TSHZ3: variants seen among roughly 807,000 people sequenced by gnomAD.
TSHZ3 encodes teashirt homolog 3.
TSHZ3 carries 10 observed loss-of-function variants against 64.5 expected under a neutral mutation model. That is an observed-to-expected ratio of 0.16 (90% CI 0.10 to 0.26). The LOEUF is 0.26. Ranked by LOEUF, TSHZ3 falls within the 10% of genes least tolerant of loss-of-function variation. The pLI is 1.00. For missense variants in TSHZ3, 1,242 were observed against 1,421.7 expected (o/e 0.87, Z 2.03); for synonymous variants, 608 against 593.1 (o/e 1.03, Z -0.36).
chr19:31,201,128 C>A (rs902800089), intron 5 of TSHZ3, among the ~76,000 whole-genome samples: 1 of 152,066 alleles, frequency 6.6e-6, no homozygotes, highest in African/African-American at 2.4e-5. Flanking sequence ...CTTAGTACAA[C>A]GTTAAAAGTA....
intron 6 of TSHZ3, among the ~76,000 whole-genome samples, chr19:31,155,295 ACC>A (rs1179516013): frequency 6.6e-6 from 1 of 152,076 alleles, no homozygotes; most frequent in African/African-American, 2.4e-5. Context: ...GCCTTAGATA[ACC>A]CCTTCCGACA....
intron 1 of TSHZ3, among the ~76,000 whole-genome samples, chr19:31,244,197 G>A (rs1287887278): frequency 1.3e-5 from 2 of 152,186 alleles, no homozygotes; most frequent in African/African-American, 2.4e-5. Context: ...CTGGTGGGAG[G>A]TGATTGGATC....
At chr19:31,325,665 C>T (rs932122591) in intron 1 of TSHZ3, among the ~76,000 whole-genome samples, 14 of 152,094 alleles carry the variant, frequency 9.2e-5, no homozygotes, top group African/African-American at 3.4e-4. Context: ...CTAGCAATTC[C>T]GCCTGTAGGA....
At chr19:31,338,277 T>C (rs752548839) in intron 1 of TSHZ3, among the ~76,000 whole-genome samples, 3 of 152,150 alleles carry the variant, frequency 2.0e-5, no homozygotes, top group Non-Finnish European at 4.4e-5. Flanking sequence ...TGCACACAGC[T>C]CAAGGGTGCA....
Position 31,269,382 on chromosome 19 carries a change from C to G in TSHZ3, n.64-26507G>C, listed in dbSNP as rs73927329. Among the ~76,000 whole-genome samples the G allele has an allele frequency of 3.3e-5, 5 of 152,216 alleles. No individual in the cohort carries two copies. In the East Asian group the frequency reaches 9.7e-4, roughly 29 times the overall value. On this transcript the variant is annotated intron_variant and non_coding_transcript_variant, in intron 1 of 6. Coordinates refer to the TSHZ3 transcript ENST00000651361. ...GTCACTGAGGCGGAAGTCCGGCGAC[C>G]GTACCTCCATTTTTTTTAAGCTAAG...
chr19:31,300,509 G>A (rs1160818010), intron 1 of TSHZ3, among the ~76,000 whole-genome samples: 10 of 152,164 alleles, frequency 6.6e-5, no homozygotes, highest in Admixed American at 3.3e-4. Flanking sequence ...AACCTAGCTT[G>A]GAAAGTAGCT....
At chr19:31,231,596 A>C (rs1975540897) in intron 3 of TSHZ3, among the ~76,000 whole-genome samples, 1 of 152,198 alleles carries the variant, frequency 6.6e-6, no homozygotes, top group South Asian at 2.1e-4. Flanking sequence ...TGCACTTCTC[A>C]CTATCTGAGT....
downstream of TSHZ3, among the ~76,000 whole-genome samples, chr19:31,271,389 T>G (rs1432377464): frequency 6.6e-6 from 1 of 151,790 alleles, no homozygotes; most frequent in Non-Finnish European, 1.5e-5. Context: ...ATAAGCAAAC[T>G]CCCTGGAAAC....
chr19:31,221,082 T>G (rs1456571581), intron 4 of TSHZ3, among the ~76,000 whole-genome samples: 1 of 152,176 alleles, frequency 6.6e-6, no homozygotes, highest in Non-Finnish European at 1.5e-5. Context: ...TCACCCAACA[T>G]CTGTCACATG....
rs555630123 is a variant in TSHZ3 at position 31,232,070 on chromosome 19, C to T, written n.551-3930G>A. The stretch of plus-strand genomic sequence containing the variant: ...TTTCACCTCCTTCTTGGTTTATCTC[C>T]CTTATTCCAAGGGAGCCAAAGCAGG... On this transcript the variant is annotated intron_variant and non_coding_transcript_variant, in intron 3 of 6. Transcript: ENST00000651361. Among the ~76,000 whole-genome samples, 32 of 152,138 alleles carry T rather than the reference C, an allele frequency of 2.1e-4. No homozygotes were observed. The South Asian group carries it at 6.7e-3, about 32-fold the overall frequency.
At chr19:31,206,076 AATGGATGG>A (rs58291208) in intron 4 of TSHZ3, among the ~76,000 whole-genome samples, 76,979 of 145,242 alleles carry the variant, frequency 0.53, 20,547 homozygotes, top group Admixed American at 0.65. Context: ...GGATGGGTGA[AATGGATGG>A]ATGGATGGAT....
chr19:31,177,639 A>T (rs778295410), intron 5 of TSHZ3, among the ~76,000 whole-genome samples: 1 of 152,210 alleles, frequency 6.6e-6, no homozygotes, highest in Non-Finnish European at 1.5e-5. Context: ...CCCTCACTTA[A>T]ATCCCAGTGT....
In TSHZ3 at chr19:31,306,003, G is replaced by A. The variant is rs117547046; in HGVS notation, c.41-26251C>T. On this transcript the variant is annotated intron_variant, in intron 1 of 1. Coordinates refer to ENST00000240587, the MANE Select transcript of TSHZ3 (RefSeq NM_020856.4). The stretch of plus-strand genomic sequence containing the variant: ...TGAAAGCCAGCATGATCACAGATTT[G>A]TTTAAACTTTCATTTACATAGAAGT... Among the ~76,000 whole-genome samples the A allele has an allele frequency of 2.2e-3, 335 of 152,306 alleles. 2 individuals are homozygous for A. The highest frequency in any genetic ancestry group is 4.0e-3 in the Admixed American group (61 of 15,304).
intron 1 of TSHZ3, among the ~76,000 whole-genome samples, chr19:31,303,491 G>C (rs996072458): frequency 6.6e-6 from 1 of 152,092 alleles, no homozygotes; most frequent in East Asian, 1.9e-4. Flanking sequence ...GACCTGCACG[G>C]GGCCTGCACA....
At chr19:31,287,549 C>T (rs1976483601) in intron 1 of TSHZ3, among the ~76,000 whole-genome samples, 1 of 151,024 alleles carries the variant, frequency 6.6e-6, no homozygotes, top group Admixed American at 6.6e-5. Flanking sequence ...GAGAAGGGGT[C>T]AGAGAGAGAG....
At chr19:31,287,128 G>A (rs1389310076) in intron 1 of TSHZ3, among the ~76,000 whole-genome samples, 1 of 152,168 alleles carries the variant, frequency 6.6e-6, no homozygotes, top group African/African-American at 2.4e-5. Flanking sequence ...CAACCACGGG[G>A]GCCACGGATG....
intron 1 of TSHZ3, among the ~76,000 whole-genome samples, chr19:31,253,943 C>G (rs1975875083): frequency 6.6e-6 from 1 of 152,144 alleles, no homozygotes. Context: ...TCACATCCAG[C>G]TGTCAAAGGC....
chr19:31,247,265 A>T (rs1975768367), intron 1 of TSHZ3, among the ~76,000 whole-genome samples: 1 of 152,214 alleles, frequency 6.6e-6, no homozygotes, highest in African/African-American at 2.4e-5. Context: ...TTCAAAGGAA[A>T]AGGACATTTT....
intron 5 of TSHZ3, among the ~76,000 whole-genome samples, chr19:31,156,750 G>T (rs1015033424): frequency 5.9e-5 from 9 of 152,104 alleles, no homozygotes; most frequent in Middle Eastern, 3.2e-3. Context: ...TGTGAGTTAA[G>T]CTTAACAAGA....
Sources: gnomAD v4.1 joint callset for allele counts (sites outside exome capture counted in the v4.1 genomes callset) on GRCh38, gnomAD v4.1.1 for gene constraint, MANE v1.5 for transcripts, NCBI Gene and HGNC (gene_info 2026-07-23, HGNC 2026-07-21) for gene names.